SLIT3: variants seen among roughly 807,000 people sequenced by gnomAD.
The protein encoded by SLIT3 is slit homolog 3 protein.
A neutral mutation model predicts 184.0 loss-of-function variants in SLIT3; 68 were observed. That is an observed-to-expected ratio of 0.37 (90% CI 0.30 to 0.45). SLIT3 has a LOEUF of 0.45. Ranked by LOEUF, SLIT3 falls within the 20% of genes least tolerant of loss-of-function variation. The pLI, the probability that SLIT3 is intolerant of heterozygous loss-of-function variation, is 1.00. For missense variants in SLIT3, 1,707 were observed against 2,026.0 expected (o/e 0.84, Z 3.02); for synonymous variants, 831 against 828.6 (o/e 1.00, Z -0.05).
intron 4 of SLIT3, among the ~76,000 whole-genome samples, chr5:169,085,081 CTACTGGGT>C (rs1759236616): frequency 6.6e-6 from 1 of 152,214 alleles, no homozygotes; most frequent in Non-Finnish European, 1.5e-5. Flanking sequence ...GAGAAAATTC[CTACTGGGT>C]TACCAACCAC....
chr5:168,752,822 C>G (rs1176170598), intron 18 of SLIT3, 133 bp downstream of exon 18: 2 of 872,716 alleles, frequency 2.3e-6, no homozygotes, highest in Non-Finnish European at 1.8e-6. Flanking sequence ...CTGGCACATA[C>G]AGAAAGCCTG....
chr5:169,260,866 G>C (rs775559518), intron 1 of SLIT3, among the ~76,000 whole-genome samples: 2 of 152,208 alleles, frequency 1.3e-5, no homozygotes, highest in Non-Finnish European at 2.9e-5. Flanking sequence ...AAATAAAGGA[G>C]TAATTACCAT....
Position 169,006,605 on chromosome 5 carries a change from TCACACACA to T in SLIT3, c.414-123277_414-123270del, listed in dbSNP as rs372485234. On this transcript the variant is annotated intron_variant, in intron 4 of 35. Transcript: ENST00000519560. Reference sequence around the variant, plus strand: ...CTCTCTCTCTCTCTCTCTCTCTCTCTCACACACACACACACACACACACACAACTCTCC... The same window carrying T: ...CTCTCTCTCTCTCTCTCTCTCTCTCTCACACACACACACACACAACTCTCC... Among the ~76,000 whole-genome samples the T allele has an allele frequency of 5.6e-4, 82 of 145,874 alleles. No individual in the cohort carries two copies. In the East Asian group the frequency reaches 0.011, roughly 19 times the overall value.
At chr5:168,943,645 T>G (rs1253200760) in intron 4 of SLIT3, among the ~76,000 whole-genome samples, 1 of 152,042 alleles carries the variant, frequency 6.6e-6, no homozygotes. Flanking sequence ...TGAAAGTGCT[T>G]TGTAAAGCTA....
At chr5:168,873,137 C>T (rs1477164679) in intron 5 of SLIT3, among the ~76,000 whole-genome samples, 1 of 152,110 alleles carries the variant, frequency 6.6e-6, no homozygotes, top group Non-Finnish European at 1.5e-5. Flanking sequence ...CAGGGTTTTT[C>T]CCGGCCAATC....
At chr5:169,021,156 C>A (rs897896676) in intron 4 of SLIT3, among the ~76,000 whole-genome samples, 1 of 152,096 alleles carries the variant, frequency 6.6e-6, no homozygotes, top group South Asian at 2.1e-4. Flanking sequence ...GATGTCTACA[C>A]CCTGGAATGT....
At chr5:169,227,299 T>C (rs1158519333) in intron 3 of SLIT3, among the ~76,000 whole-genome samples, 2 of 152,234 alleles carry the variant, frequency 1.3e-5, no homozygotes, top group Non-Finnish European at 2.9e-5. Flanking sequence ...ATATAGTTAA[T>C]GGTTAATGCA....
chr5:169,273,122 G>T (rs1561780864), intron 1 of SLIT3, among the ~76,000 whole-genome samples: 1 of 152,068 alleles, frequency 6.6e-6, no homozygotes, highest in Non-Finnish European at 1.5e-5. Flanking sequence ...GAACAAAAAG[G>T]CCTTGCAACA....
intron 6 of SLIT3, among the ~76,000 whole-genome samples, chr5:168,835,519 G>GT (rs1227662796): frequency 1.3e-5 from 2 of 149,102 alleles, no homozygotes; most frequent in African/African-American, 4.9e-5. Flanking sequence ...TGTTTGTTTT[G>GT]TTTTTTGTAC....
chr5:168,817,397 C>A lies in SLIT3; in HGVS notation c.696G>T (p.Gln232His). ...GTGTGAACTGGCCAACTGTCCGTCGCTGTCGCAGCCAATCCGAGAGCCAGG... is the reference window on the plus strand; with the variant it reads ...GTGTGAACTGGCCAACTGTCCGTCGATGTCGCAGCCAATCCGAGAGCCAGG... ...HLAWLSDWLR[Q>H]RRTVGQFTLC... is the part of the protein sequence containing the mutation. The change falls in exon 8 of 36, where the codon CAG becomes CAT. Residue 232 changes from glutamine to histidine, a missense_variant. Transcript: ENST00000519560. 6.2e-7 allele frequency: 1 copy of A among 1,614,244 alleles called. No individual in the cohort carries two copies.
intron 4 of SLIT3, among the ~76,000 whole-genome samples, chr5:169,166,668 A>T (rs962470959): frequency 3.6e-4 from 55 of 152,100 alleles, no homozygotes; most frequent in Admixed American, 3.6e-3. Context: ...CACCTTCCTA[A>T]TGCTACAGGC....
At chr5:169,105,857 T>A (rs759119060) in intron 4 of SLIT3, among the ~76,000 whole-genome samples, 1 of 152,194 alleles carries the variant, frequency 6.6e-6, no homozygotes. Context: ...CAGTCTACCA[T>A]TGATGGGCAC....
chr5:169,272,713 G>A (rs1387527615), intron 1 of SLIT3, among the ~76,000 whole-genome samples: 1 of 152,182 alleles, frequency 6.6e-6, no homozygotes, highest in Non-Finnish European at 1.5e-5. Flanking sequence ...GATCCTGCAG[G>A]TCTACTGAAG....
At chr5:168,857,388 G>GTT (rs1554149576) in intron 5 of SLIT3, among the ~76,000 whole-genome samples, 1 of 151,906 alleles carries the variant, frequency 6.6e-6, no homozygotes, top group Non-Finnish European at 1.5e-5. Flanking sequence ...GTTTTGTTTT[G>GTT]TTTTGTTTTG....
intron 4 of SLIT3, among the ~76,000 whole-genome samples, chr5:169,044,589 G>GC (rs373535197): frequency 2.2e-5 from 2 of 92,492 alleles, no homozygotes; most frequent in South Asian, 3.1e-4. Flanking sequence ...GAGGAAGGTG[G>GC]GGGGGGGGAT....
At chr5:168,781,293 C>A (rs1755961403) in intron 12 of SLIT3, among the ~76,000 whole-genome samples, 1 of 152,194 alleles carries the variant, frequency 6.6e-6, no homozygotes, top group Admixed American at 6.5e-5. Context: ...CAAGTGACCT[C>A]ACCTGTGGTG....
intron 4 of SLIT3, among the ~76,000 whole-genome samples, chr5:169,151,044 A>C (rs1162535032): frequency 2.6e-5 from 4 of 152,132 alleles, no homozygotes; most frequent in African/African-American, 7.2e-5. Flanking sequence ...AGGAAAAAAA[A>C]ACTCTAAAAA....
intron 18 of SLIT3, among the ~76,000 whole-genome samples, chr5:168,750,859 C>T (rs1053202433): frequency 2.0e-5 from 3 of 152,088 alleles, no homozygotes; most frequent in Non-Finnish European, 4.4e-5. Context: ...CCCTGTCCTT[C>T]GGGATCTTAT....
intron 9 of SLIT3, among the ~76,000 whole-genome samples, chr5:168,804,224 C>T (rs755251675): frequency 2.9e-5 from 4 of 137,874 alleles, no homozygotes; most frequent in South Asian, 2.5e-4. Context: ...GCAGGAGAAT[C>T]GCTTGAACCC....
Sources: allele counts gnomAD v4.1 joint callset (sites outside exome capture counted in the v4.1 genomes callset), GRCh38; gene constraint gnomAD v4.1.1; transcripts MANE v1.5; gene names NCBI Gene and HGNC (gene_info 2026-07-23, HGNC 2026-07-21).